Variants in MAPKAP1 observed in about 807,000 individuals in gnomAD.
MAPKAP1 encodes the protein target of rapamycin complex 2 subunit MAPKAP1.
MAPKAP1 carries 20 observed loss-of-function variants against 65.7 expected under a neutral mutation model. The observed-to-expected ratio is 0.30, with a 90% CI of 0.21 to 0.44. The LOEUF (loss-of-function observed/expected upper bound fraction) is 0.44, where lower values mean the gene tolerates loss of function less well. MAPKAP1 is among the 20% of genes least tolerant of loss of function. The probability of loss-of-function intolerance (pLI) is 1.00; values close to 1 mark genes in which losing one functional copy is unlikely to be tolerated. For missense variants in MAPKAP1, 423 were observed against 648.0 expected, an observed-to-expected ratio of 0.65 and a Z score of 3.77; for synonymous variants, 222 against 244.3, an observed-to-expected ratio of 0.91 and a Z score of 0.85.
chr9:125,593,637 G>C (rs757862202), intron 4 of MAPKAP1, among the ~76,000 whole-genome samples: 1 of 151,898 alleles, frequency 6.6e-6, no homozygotes, highest in East Asian at 1.9e-4. Flanking sequence ...ACTTCTGCCT[G>C]GGACAGAGCG....
Position 125,484,472 on chromosome 9 carries a change from C to A in MAPKAP1, c.1178G>T (p.Arg393Ile). 1 of 1,613,004 alleles carries A rather than the reference C, an allele frequency of 6.2e-7. No individual in the cohort carries two copies. The highest frequency in any genetic ancestry group is 1.1e-5 in the South Asian group (1 of 90,696). Residue 393 changes from arginine to isoleucine, a missense_variant, in exon 9 of 12, where the codon AGA becomes ATA. This residue lies in a region of MAPKAP1 where 185 missense variants were observed against 268.1 expected (regional missense o/e 0.69). Transcript: ENST00000265960. ...YKSFKVSMIH[R>I]LRFTTDVQLG... Reference sequence around the variant, plus strand: ...CTGTACGTCGGTTGTGAATCGCAGTCTGTGGATCATGCTGACTTTGAATGA... The same window carrying A: ...CTGTACGTCGGTTGTGAATCGCAGTATGTGGATCATGCTGACTTTGAATGA...
At chr9:125,445,521 G>A (rs1852681521) in intron 10 of MAPKAP1, among the ~76,000 whole-genome samples, 1 of 152,242 alleles carries the variant, frequency 6.6e-6, no homozygotes, top group Non-Finnish European at 1.5e-5. Context: ...CTTCTTGTGT[G>A]GGCCTACCAC....
At chr9:125,451,713 C>T (rs990020030) in intron 10 of MAPKAP1, among the ~76,000 whole-genome samples, 1 of 152,130 alleles carries the variant, frequency 6.6e-6, no homozygotes, top group Non-Finnish European at 1.5e-5. Flanking sequence ...CCTGGGACCA[C>T]AGCCCTCACC....
intron 6 of MAPKAP1, among the ~76,000 whole-genome samples, chr9:125,552,723 G>A (rs929608212): frequency 2.6e-5 from 4 of 152,014 alleles, no homozygotes; most frequent in African/African-American, 9.7e-5. Context: ...AGCATTTCCT[G>A]AGGTTCAAGA....
chr9:125,534,290 T>C (rs1265202682), intron 7 of MAPKAP1, among the ~76,000 whole-genome samples: 1 of 152,236 alleles, frequency 6.6e-6, no homozygotes, highest in Non-Finnish European at 1.5e-5. Flanking sequence ...ATAGGAAACC[T>C]TCATTTTTTA....
intron 9 of MAPKAP1, among the ~76,000 whole-genome samples, chr9:125,480,974 G>GA (rs1564525845): frequency 0.018 from 1,725 of 97,592 alleles, 217 homozygotes; most frequent in African/African-American, 0.051. Flanking sequence ...TCCGTTTCGG[G>GA]GAAAAAAAAA....
intron 7 of MAPKAP1, among the ~76,000 whole-genome samples, chr9:125,507,292 G>A (rs541131684): frequency 1.3e-5 from 2 of 152,288 alleles, no homozygotes; most frequent in South Asian, 2.1e-4. Flanking sequence ...TCAAAAGACT[G>A]CTCCTGTGAT....
chr9:125,682,434 C>CAAAACAAAA, intron 1 of MAPKAP1, among the ~76,000 whole-genome samples: 1 of 152,298 alleles, frequency 6.6e-6, no homozygotes, highest in East Asian at 1.9e-4. Flanking sequence ...TCTGTATTTT[C>CAAAACAAAA]AAAGTGTTTT....
At chr9:125,440,975 T>G (rs1323339055) in intron 11 of MAPKAP1, among the ~76,000 whole-genome samples, 1 of 152,218 alleles carries the variant, frequency 6.6e-6, no homozygotes, top group Non-Finnish European at 1.5e-5. Context: ...ATTTATTATC[T>G]TCAGTGCTTT....
intron 1 of MAPKAP1, among the ~76,000 whole-genome samples, chr9:125,689,412 G>C (rs535472216): frequency 7.4e-6 from 1 of 134,538 alleles, no homozygotes; most frequent in Non-Finnish European, 1.6e-5. Flanking sequence ...TCCAGCCTGG[G>C]CGACAGAGTG....
intron 4 of MAPKAP1, among the ~76,000 whole-genome samples, chr9:125,636,745 T>A (rs138292053): frequency 6.6e-6 from 1 of 152,318 alleles, no homozygotes; most frequent in East Asian, 1.9e-4. Context: ...CCAGGTGATC[T>A]GCACCACTCC....
intron 4 of MAPKAP1, among the ~76,000 whole-genome samples, chr9:125,597,733 T>C (rs1051401864): frequency 6.6e-6 from 1 of 152,210 alleles, no homozygotes; most frequent in Non-Finnish European, 1.5e-5. Flanking sequence ...GAAATAAATA[T>C]ATCAGTGTAT....
At position 125,484,539 on chromosome 9, in the gene MAPKAP1, T is replaced by C; in HGVS notation, c.1111A>G (p.Ile371Val). ...GVFEEDSQID[I>V]ATVQDMLSSH... is the part of the protein sequence containing the mutation. ...CTAAGCATATCCTGTACTGTGGCTA[T>C]GTCAATTTGCGAATCCTCCTCAAAA... is the stretch of plus-strand genomic sequence containing the variant. Residue 371 changes from isoleucine to valine, a missense_variant, in exon 9 of 12, where the codon ATA becomes GTA. Physicochemically the swap from Ile to Val is conservative, Grantham distance 29. Transcript: ENST00000265960. The C allele has an allele frequency of 6.2e-7, 1 of 1,612,242 alleles. No homozygotes were observed. Among genetic ancestry groups the C allele is most frequent in the Non-Finnish European group, 8.5e-7 (1 of 1,179,132 alleles).
intron 4 of MAPKAP1, among the ~76,000 whole-genome samples, chr9:125,608,570 A>G (rs922243707): frequency 2.4e-4 from 36 of 152,228 alleles, no homozygotes; most frequent in African/African-American, 8.7e-4. Flanking sequence ...AAGTTGGGAA[A>G]GTGGAGACAT....
chr9:125,658,440 C>A (rs1441375179), intron 3 of MAPKAP1, among the ~76,000 whole-genome samples: 1 of 152,176 alleles, frequency 6.6e-6, no homozygotes, highest in East Asian at 1.9e-4. Context: ...TCATTTAATC[C>A]TCATAACAAG....
intron 1 of MAPKAP1, among the ~76,000 whole-genome samples, chr9:125,703,247 G>A (rs940740708): frequency 6.6e-6 from 1 of 152,138 alleles, no homozygotes; most frequent in African/African-American, 2.4e-5. Context: ...AGACCACTGA[G>A]GAAGATGCTC....
At chr9:125,550,115 T>C (rs1286818206) in intron 6 of MAPKAP1, among the ~76,000 whole-genome samples, 1 of 152,228 alleles carries the variant, frequency 6.6e-6, no homozygotes. Context: ...GTCAGGTCAG[T>C]GAACTGCATA....
chr9:125,695,139 A>G (rs1835346199), intron 1 of MAPKAP1, among the ~76,000 whole-genome samples: 1 of 152,208 alleles, frequency 6.6e-6, no homozygotes, highest in South Asian at 2.1e-4. Flanking sequence ...TTAACTCAGC[A>G]ACTTTAATCC....
chr9:125,617,842 G>A (rs1832788976), intron 4 of MAPKAP1, among the ~76,000 whole-genome samples: 1 of 152,128 alleles, frequency 6.6e-6, no homozygotes, highest in African/African-American at 2.4e-5. Flanking sequence ...GGACACGGAG[G>A]GGACTTCAAA....
Sources: gnomAD v4.1 joint callset for allele counts (sites outside exome capture counted in the v4.1 genomes callset) on GRCh38, gnomAD v4.1.1 for gene constraint, gnomAD v4.1.1 regional missense constraint, MANE v1.5 for transcripts, NCBI Gene and HGNC (gene_info 2026-07-23, HGNC 2026-07-21) for gene names.